Variants in NEGR1 observed in about 807,000 individuals in gnomAD.
NEGR1 encodes the protein IgLON family member 4.
A neutral mutation model predicts 40.9 loss-of-function variants in NEGR1; 10 were observed. The observed-to-expected ratio is 0.24, with a 90% CI of 0.15 to 0.42. The LOEUF (loss-of-function observed/expected upper bound fraction) is 0.42, where lower values mean the gene tolerates loss of function less well. NEGR1 is among the 10% of genes least tolerant of loss of function. The pLI is 1.00. For missense variants in NEGR1, 352 were observed against 438.9 expected (o/e 0.80, Z 1.77); for synonymous variants, 185 against 166.8 (o/e 1.11, Z -0.84).
intron 1 of NEGR1, among the ~76,000 whole-genome samples, chr1:71,983,767 A>G (rs1646372860): frequency 6.6e-6 from 1 of 152,202 alleles, no homozygotes; most frequent in Non-Finnish European, 1.5e-5. Flanking sequence ...TGTATTCAAC[A>G]ATATGTGGCA....
At chr1:71,656,589 T>G (rs1034787478) in intron 4 of NEGR1, among the ~76,000 whole-genome samples, 1 of 152,048 alleles carries the variant, frequency 6.6e-6, no homozygotes, top group African/African-American at 2.4e-5. Flanking sequence ...ATTTTTTGTA[T>G]TTTTGGTAGA....
intron 1 of NEGR1, among the ~76,000 whole-genome samples, chr1:72,270,975 T>C (rs1655823543): frequency 6.6e-6 from 1 of 151,898 alleles, no homozygotes; most frequent in Non-Finnish European, 1.5e-5. Context: ...ACTTACTATA[T>C]GTTATGTACT....
At chr1:71,457,726 G>A (rs567687446) in intron 6 of NEGR1, among the ~76,000 whole-genome samples, 1 of 152,064 alleles carries the variant, frequency 6.6e-6, no homozygotes, top group South Asian at 2.1e-4. Flanking sequence ...TTTTTTTTGA[G>A]ACGGAGTCTT....
chr1:71,908,878 A>T (rs1404346666), intron 2 of NEGR1, among the ~76,000 whole-genome samples: 1 of 152,188 alleles, frequency 6.6e-6, no homozygotes, highest in Admixed American at 6.5e-5. Flanking sequence ...AATAATTTTT[A>T]AACTATATTT....
At chr1:72,094,288 T>C (rs1044224799) in intron 1 of NEGR1, among the ~76,000 whole-genome samples, 4 of 152,006 alleles carry the variant, frequency 2.6e-5, no homozygotes, top group Non-Finnish European at 5.9e-5. Flanking sequence ...TTATGTTTGG[T>C]GGGGGAGTAT....
chr1:72,124,758 T>C (rs368528021), intron 1 of NEGR1, among the ~76,000 whole-genome samples: 34 of 152,140 alleles, frequency 2.2e-4, no homozygotes, highest in Admixed American at 6.5e-4. Context: ...TTGGATTTTA[T>C]AGAAGAATTG....
intron 6 of NEGR1, among the ~76,000 whole-genome samples, chr1:71,413,384 A>G (rs1489687489): frequency 6.6e-6 from 1 of 152,192 alleles, no homozygotes; most frequent in Non-Finnish European, 1.5e-5. Flanking sequence ...GATGCTTTGC[A>G]TGGAACAAGC....
At chr1:71,438,306 T>C (rs1382726160) in intron 6 of NEGR1, among the ~76,000 whole-genome samples, 1 of 152,224 alleles carries the variant, frequency 6.6e-6, no homozygotes, top group Admixed American at 6.5e-5. Flanking sequence ...AAAAAGTACA[T>C]TGGTACTTAC....
intron 6 of NEGR1, among the ~76,000 whole-genome samples, chr1:71,562,414 C>T (rs1014905960): frequency 2.2e-4 from 22 of 98,488 alleles, no homozygotes; most frequent in Admixed American, 1.4e-3. Flanking sequence ...TATTACATTG[C>T]TTACCATTAC....
chr1:72,003,770 A>G (rs1557478841), intron 1 of NEGR1, among the ~76,000 whole-genome samples: 1 of 152,144 alleles, frequency 6.6e-6, no homozygotes, highest in Non-Finnish European at 1.5e-5. Flanking sequence ...CCCAGAGCCA[A>G]TGCAATGTAC....
chr1:72,068,502 G>A (rs553653162), intron 1 of NEGR1, among the ~76,000 whole-genome samples: 1 of 152,248 alleles, frequency 6.6e-6, no homozygotes, highest in Admixed American at 6.5e-5. Flanking sequence ...TCGGTGTTTG[G>A]CTTTCTCTTG....
chr1:71,811,951 T>C (rs1658019962), intron 2 of NEGR1, among the ~76,000 whole-genome samples: 1 of 151,468 alleles, frequency 6.6e-6, no homozygotes, highest in African/African-American at 2.4e-5. Context: ...GTTTAGTATA[T>C]AGGTAAACAT....
chr1:71,958,273 A>G (rs1458561449), intron 1 of NEGR1, among the ~76,000 whole-genome samples: 1 of 152,122 alleles, frequency 6.6e-6, no homozygotes, highest in Admixed American at 6.6e-5. Context: ...CACATCTTTC[A>G]ATTTCTAACC....
chr1:72,130,792 T>C (rs1236123776), intron 1 of NEGR1, among the ~76,000 whole-genome samples: 1 of 152,154 alleles, frequency 6.6e-6, no homozygotes, highest in Non-Finnish European at 1.5e-5. Flanking sequence ...GAATATAAGC[T>C]CCATGAGGGC....
intron 2 of NEGR1, among the ~76,000 whole-genome samples, chr1:71,819,526 A>T (rs1658350239): frequency 6.6e-6 from 1 of 151,964 alleles, no homozygotes; most frequent in Non-Finnish European, 1.5e-5. Flanking sequence ...GTATTTACTA[A>T]AACTAAAAAT....
intron 1 of NEGR1, among the ~76,000 whole-genome samples, chr1:71,938,386 A>G (rs1204042303): frequency 1.3e-5 from 2 of 148,410 alleles, no homozygotes; most frequent in African/African-American, 4.9e-5. Context: ...ATACACACAC[A>G]CACAGCTGTA....
chr1:71,615,795 G>C (rs1557588636), intron 4 of NEGR1, among the ~76,000 whole-genome samples: 1 of 152,208 alleles, frequency 6.6e-6, no homozygotes, highest in Non-Finnish European at 1.5e-5. Context: ...TTATTTGTCT[G>C]TTGTGTGGAA....
At chr1:71,632,072 G>A (rs1186261937) in intron 4 of NEGR1, among the ~76,000 whole-genome samples, 1 of 151,654 alleles carries the variant, frequency 6.6e-6, no homozygotes, top group East Asian at 2.0e-4. Context: ...GTACAAGGAA[G>A]GTATGGCATA....
chr1:71,469,197 A>C (rs1646766529), intron 6 of NEGR1, among the ~76,000 whole-genome samples: 1 of 152,082 alleles, frequency 6.6e-6, no homozygotes, highest in African/African-American at 2.4e-5. Context: ...CTTTGAACAC[A>C]TAGTTTGTCA....
Sources: gnomAD v4.1 joint callset for allele counts (sites outside exome capture counted in the v4.1 genomes callset) on GRCh38, gnomAD v4.1.1 for gene constraint, MANE v1.5 for transcripts, NCBI Gene and HGNC (gene_info 2026-07-23, HGNC 2026-07-21) for gene names.